The following NPAS2 variants were observed in gnomAD, a reference collection of about 807,000 sequenced individuals.
NPAS2 encodes neuronal PAS domain-containing protein 2.
In NPAS2, 23 loss-of-function variants were observed where a neutral mutation model predicts 107.5. The ratio of observed to expected loss-of-function variants is 0.21; its 90% confidence interval spans 0.15 to 0.30. NPAS2 has a LOEUF of 0.30. NPAS2 is among the 10% of genes least tolerant of loss of function. NPAS2 has a pLI of 1.00. For synonymous variants in NPAS2, 403 were observed against 417.5 expected (o/e 0.97, Z 0.42); for missense variants, 756 against 1,043.3 (o/e 0.72, Z 3.79).
chr2:100,909,604 C>CA (rs1284871499), intron 2 of NPAS2, among the ~76,000 whole-genome samples: 1 of 152,202 alleles, frequency 6.6e-6, no homozygotes, highest in African/African-American at 2.4e-5. Context: ...CTGATGCTCC[C>CA]AGCTGGAGCC....
In NPAS2 at chr2:100,988,215, T is replaced by A. The variant is rs753356704; in HGVS notation, c.1766T>A (p.Ile589Asn). ...GCGGGCCCCCAACTTCCAGGGCAGATCTCCTCTGCCCAGGTCACAAGCCAG... is the reference window on the plus strand; with the variant it reads ...GCGGGCCCCCAACTTCCAGGGCAGAACTCCTCTGCCCAGGTCACAAGCCAG... The part of the protein sequence containing the change: ...LGAGPQLPGQ[I>N]SSAQVTSQHL... Residue 589 changes from isoleucine to asparagine, a missense_variant, in exon 17 of 21, where the codon ATC becomes AAC. This residue lies in a region of NPAS2 where 496 missense variants were observed against 594.4 expected (regional missense o/e 0.83). Coordinates refer to ENST00000335681, the MANE Select transcript of NPAS2 (RefSeq NM_002518.4). 5.6e-6 allele frequency: 9 copies of A among 1,613,946 alleles called. No homozygotes were observed. In the South Asian group the frequency reaches 8.8e-5, roughly 16 times the overall value.
intron 1 of NPAS2, among the ~76,000 whole-genome samples, chr2:100,894,528 C>CA (rs1250399942): frequency 2.0e-5 from 3 of 152,210 alleles, no homozygotes; most frequent in African/African-American, 7.2e-5. Flanking sequence ...ACTTAGGAGT[C>CA]AGAGCCGCGG....
rs769298344 is a variant in NPAS2, at chr2:100,968,723, G to A, written c.1055+295G>A. 6.6e-6 allele frequency among the ~76,000 whole-genome samples: 1 copy of A among 152,136 alleles called. No individual in the cohort carries two copies. Among genetic ancestry groups the A allele is most frequent in the East Asian group, 1.9e-4 (1 of 5,196 alleles). ...GCTGCCAGGATATTACTTAGTAAGT[G>A]ACTGCTTCACTGACCTACTTACATA... On this transcript the variant is annotated intron_variant, in intron 11 of 20. Coordinates refer to ENST00000335681, the MANE Select transcript of NPAS2 (RefSeq NM_002518.4). This position sits in a 1 kb window ranked among gnomAD's most constrained non-coding sequence, Gnocchi z 5.3.
intron 1 of NPAS2, among the ~76,000 whole-genome samples, chr2:100,826,937 C>T (rs941529791): frequency 2.0e-5 from 3 of 152,208 alleles, no homozygotes; most frequent in East Asian, 1.9e-4. Context: ...ATTGTTTTGA[C>T]GTGAACATAA....
intron 2 of NPAS2, among the ~76,000 whole-genome samples, chr2:100,906,596 A>G (rs149853178): frequency 2.6e-5 from 4 of 152,294 alleles, no homozygotes; most frequent in African/African-American, 9.6e-5. Context: ...TTACAGGGCA[A>G]TCTTTTTTGT....
chr2:100,831,473 G>A (rs986073761), intron 1 of NPAS2, among the ~76,000 whole-genome samples: 1 of 152,114 alleles, frequency 6.6e-6, no homozygotes, highest in African/African-American at 2.4e-5. Context: ...CCCAAGTTGT[G>A]GGGTGTGTGG....
At chr2:100,919,497 G>A (rs1479917767) in intron 2 of NPAS2, among the ~76,000 whole-genome samples, 7 of 152,366 alleles carry the variant, frequency 4.6e-5, no homozygotes, top group African/African-American at 2.4e-5. Context: ...CGCTGGGGGC[G>A]GTAGGGAGCA....
intron 7 of NPAS2, among the ~76,000 whole-genome samples, chr2:100,954,682 A>AG (rs1491353942): frequency 3.4e-4 from 9 of 26,740 alleles, no homozygotes; most frequent in African/African-American, 1.7e-3. Flanking sequence ...AAAAAAAAAG[A>AG]AAAAAAAGAA....
chr2:100,973,225 A>T (rs991579905), intron 12 of NPAS2, among the ~76,000 whole-genome samples: 23 of 152,176 alleles, frequency 1.5e-4, no homozygotes, highest in Admixed American at 1.3e-3. Context: ...GGGTTAAGAA[A>T]TCCCTTTAAA....
chr2:100,995,607 C>T lies in NPAS2; in HGVS notation c.*25C>T, dbSNP rs760556254. The T allele has an allele frequency of 7.5e-6, 12 of 1,593,676 alleles. No homozygotes were observed. The highest frequency in any genetic ancestry group is 1.0e-5 in the Non-Finnish European group (12 of 1,170,010). ...ATGCCCCGGCACTGAAGTCGGGACA[C>T]AATCAGCTTTAACCAATGGATGAGG... is the stretch of plus-strand genomic sequence containing the variant. On this transcript the variant is annotated 3_prime_UTR_variant, in exon 21 of 21. Coordinates refer to ENST00000335681, the MANE Select transcript of NPAS2 (RefSeq NM_002518.4).
chr2:100,951,913 G>A (rs1675245337), intron 7 of NPAS2, among the ~76,000 whole-genome samples: 2 of 152,254 alleles, frequency 1.3e-5, no homozygotes, highest in South Asian at 4.2e-4. Flanking sequence ...ACTTTGGGAG[G>A]CCGAGGCGGG....
intron 1 of NPAS2, among the ~76,000 whole-genome samples, chr2:100,899,069 T>G (rs1364282986): frequency 6.6e-6 from 1 of 152,102 alleles, no homozygotes; most frequent in Non-Finnish European, 1.5e-5. Flanking sequence ...CTCAAAATTG[T>G]CAAGGCCTGA....
intron 1 of NPAS2, among the ~76,000 whole-genome samples, chr2:100,890,666 T>C (rs1680993473): frequency 6.6e-6 from 1 of 152,058 alleles, no homozygotes; most frequent in South Asian, 2.1e-4. Context: ...CTGAATTGCA[T>C]GATACAGTGA....
intron 15 of NPAS2, 86 bp from the exon 16 acceptor site, chr2:100,982,145 G>A: frequency 6.0e-6 from 9 of 1,491,900 alleles, no homozygotes; most frequent in Non-Finnish European, 8.3e-6. Context: ...CGGAAATGAA[G>A]TGTACAGACC....
rs1370276431 is a variant in NPAS2, at chr2:100,988,231, C to T, written c.1782C>T (p.Val594=). 1 of 1,614,032 alleles carries T rather than the reference C, an allele frequency of 6.2e-7. No homozygotes were observed. ...CAGGGCAGATCTCCTCTGCCCAGGT[C>T]ACAAGCCAGCACCTGCTCAGAGAAT... ...QLPGQISSAQ[V]TSQHLLRESS... is the part of the protein sequence containing the mutation. Residue 594 remains valine (V), a synonymous_variant, in exon 17 of 21, where the codon GTC becomes GTT. Transcript: ENST00000335681.
At chr2:100,924,413 C>T (rs1683431125) in intron 2 of NPAS2, among the ~76,000 whole-genome samples, 1 of 152,274 alleles carries the variant, frequency 6.6e-6, no homozygotes, top group Non-Finnish European at 1.5e-5. Context: ...AACCACTGAT[C>T]TTTGTGCTGT....
chr2:100,939,963 G>T (rs1365806528), intron 5 of NPAS2, among the ~76,000 whole-genome samples: 1 of 152,192 alleles, frequency 6.6e-6, no homozygotes, highest in Non-Finnish European at 1.5e-5. Context: ...ATATACCCAT[G>T]CCCAGACACA....
At chr2:100,901,513 C>G in intron 1 of NPAS2, 1 of 985,246 alleles carries the variant, frequency 1.0e-6, no homozygotes, top group Non-Finnish European at 1.2e-6. Flanking sequence ...TGAATGTTAC[C>G]GGGCGTGTTC....
At chr2:100,836,109 T>C (rs930539341) in intron 1 of NPAS2, among the ~76,000 whole-genome samples, 12 of 152,252 alleles carry the variant, frequency 7.9e-5, no homozygotes, top group Non-Finnish European at 1.5e-4. Flanking sequence ...CTTTGCAGGA[T>C]GGCAGTGAGG....
Sources: allele counts gnomAD v4.1 joint callset (sites outside exome capture counted in the v4.1 genomes callset), GRCh38; gene constraint gnomAD v4.1.1; regional missense constraint gnomAD v4.1.1; non-coding constraint Gnocchi (gnomAD v3.1); transcripts MANE v1.5; gene names NCBI Gene and HGNC (gene_info 2026-07-23, HGNC 2026-07-21).